The following PRKX variants were observed in gnomAD, a reference collection of about 807,000 sequenced individuals.
PRKX encodes protein kinase cAMP-dependent X-linked catalytic subunit.
Under a neutral mutation model 22.0 loss-of-function variants are expected in PRKX, and 12 were observed. The ratio of observed to expected loss-of-function variants is 0.54; its 90% confidence interval spans 0.35 to 0.88. PRKX has a LOEUF of 0.88. Among genes scored for constraint, PRKX ranks in the 40% least tolerant of loss-of-function variants. The pLI is 0.01. For missense variants in PRKX, 217 were observed against 308.0 expected (o/e 0.70, Z 2.21); for synonymous variants, 134 against 137.7 (o/e 0.97, Z 0.19).
chrX:3,697,673 T>G (rs73625737), intron 1 of PRKX, among the ~76,000 whole-genome samples: 2,125 of 110,164 alleles, frequency 0.019, 47 homozygotes, highest in African/African-American at 0.067. Flanking sequence ...GCCTCCTGAG[T>G]AGCTGGGACC....
intron 4 of PRKX, among the ~76,000 whole-genome samples, chrX:3,628,579 A>T (rs931527120): frequency 2.7e-5 from 3 of 110,982 alleles, no homozygotes; most frequent in African/African-American, 9.8e-5. Flanking sequence ...GTCTTAAAAA[A>T]ATATATATTA....
chrX:3,710,304 T>C (rs1270837085), intron 1 of PRKX, among the ~76,000 whole-genome samples: 7 of 111,781 alleles, frequency 6.3e-5, no homozygotes, highest in Admixed American at 2.9e-4. Context: ...AAAGAATCCA[T>C]TATCAGACTT....
rs1181837249 is a variant in PRKX at position 3,621,125 on chromosome X, C to A, written c.873+134G>T. 8.3e-6 allele frequency: 4 copies of A among 480,955 alleles called. No individual in the cohort carries two copies. The East Asian group carries it at 1.2e-4, about 14-fold the overall frequency. 39.6% of individuals were successfully genotyped at this position (480,955 alleles called of 1,213,427 possible). A position where few individuals can be genotyped will look rare whatever the true frequency, so the allele number is the denominator to read the frequency against. On this transcript the variant is annotated intron_variant, in intron 6 of 8. Transcript: ENST00000262848. ...AAAATTTAAAAAAATAAATAAAACACCAGATTTGAAATTTGGGCAGTGATT... is the reference window on the plus strand; with the variant it reads ...AAAATTTAAAAAAATAAATAAAACAACAGATTTGAAATTTGGGCAGTGATT...
chrX:3,654,011 C>CTATATATATTATATACTATGTAA (rs1569051407), intron 3 of PRKX, among the ~76,000 whole-genome samples: 1 of 65,551 alleles, frequency 1.5e-5, no homozygotes, highest in Non-Finnish European at 2.6e-5. Context: ...GTGATATATA[C>CTATATATATTATATACTATGTAA]TATATATATT....
At chrX:3,671,931 T>C (rs925879154) in intron 2 of PRKX, among the ~76,000 whole-genome samples, 1 of 111,789 alleles carries the variant, frequency 8.9e-6, no homozygotes, top group African/African-American at 3.2e-5. Context: ...AAGACCAGCC[T>C]GGGCAACATA....
chrX:3,699,079 C>A (rs1402151101), intron 1 of PRKX, among the ~76,000 whole-genome samples: 4 of 105,608 alleles, frequency 3.8e-5, no homozygotes, highest in African/African-American at 1.4e-4. Context: ...CTCTGTCGCC[C>A]AGGCTGGAGT....
chrX:3,703,669 G>GT (rs1242835644), intron 1 of PRKX, among the ~76,000 whole-genome samples: 1,358 of 64,133 alleles, frequency 0.021, 28 homozygotes, highest in Non-Finnish European at 0.03. Flanking sequence ...TTTTTTGGTT[G>GT]TTTTTTTTTT....
intron 1 of PRKX, among the ~76,000 whole-genome samples, chrX:3,700,610 A>G (rs776965727): frequency 3.0e-5 from 3 of 101,287 alleles, no homozygotes; most frequent in African/African-American, 1.1e-4. Context: ...TCATGGTCTC[A>G]CTCTGTCACC....
chrX:3,698,873 G>A (rs764332139), intron 1 of PRKX, among the ~76,000 whole-genome samples: 49 of 107,652 alleles, frequency 4.6e-4, no homozygotes, highest in Non-Finnish European at 8.2e-4. Context: ...TTACAGATGT[G>A]AGCCACCCCA....
intron 1 of PRKX, among the ~76,000 whole-genome samples, chrX:3,707,521 G>A (rs181979592): frequency 1.8e-5 from 2 of 111,324 alleles, no homozygotes; most frequent in East Asian, 2.8e-4. Flanking sequence ...TGCCAGCAGC[G>A]GAGGCAGGCA....
intron 6 of PRKX, among the ~76,000 whole-genome samples, chrX:3,620,559 T>C (rs1603473145): frequency 1.8e-5 from 2 of 112,379 alleles, no homozygotes; most frequent in African/African-American, 6.4e-5. Flanking sequence ...CTGCTCCCCA[T>C]GGCTGGCATT....
At chrX:3,659,144 G>A (rs1381521864) in intron 2 of PRKX, among the ~76,000 whole-genome samples, 6 of 109,661 alleles carry the variant, frequency 5.5e-5, no homozygotes, top group Non-Finnish European at 7.6e-5. Context: ...CCAGCAATTC[G>A]GGAGGCTGAG....
intron 2 of PRKX, among the ~76,000 whole-genome samples, chrX:3,670,446 G>A (rs956406073): frequency 1.1e-4 from 12 of 112,272 alleles, no homozygotes; most frequent in African/African-American, 3.9e-4. Flanking sequence ...TGCTATAGCA[G>A]GTTATCATAA....
chrX:3,622,828 T>A (rs1241261070), intron 5 of PRKX, among the ~76,000 whole-genome samples: 1 of 106,480 alleles, frequency 9.4e-6, no homozygotes, highest in Non-Finnish European at 2.0e-5. Context: ...TTTGACATGC[T>A]CCCCCCTGCC....
At chrX:3,640,126 G>A (rs1378719690) in intron 4 of PRKX, among the ~76,000 whole-genome samples, 1 of 109,621 alleles carries the variant, frequency 9.1e-6, no homozygotes, top group Non-Finnish European at 1.9e-5. Flanking sequence ...GACAATGGAG[G>A]CCACTCAGAG....
intron 6 of PRKX, 136 bp downstream of exon 6, chrX:3,621,123 C>T (rs1926546566): frequency 8.4e-6 from 4 of 477,557 alleles, no homozygotes; most frequent in Non-Finnish European, 1.4e-5. Context: ...ATAAATAAAA[C>T]ACCAGATTTG....
intron 3 of PRKX, among the ~76,000 whole-genome samples, chrX:3,649,146 G>C (rs769960904): frequency 2.7e-5 from 3 of 111,066 alleles, no homozygotes; most frequent in Admixed American, 9.6e-5. Context: ...ATCCTCACTG[G>C]AGCATCTTGG....
intron 3 of PRKX, among the ~76,000 whole-genome samples, chrX:3,644,711 C>T (rs746674289): frequency 4.4e-4 from 49 of 111,944 alleles, no homozygotes; most frequent in African/African-American, 1.3e-3. Context: ...CTTCAATGCA[C>T]GACACTTCTG....
chrX:3,653,657 A>T (rs765886223), intron 3 of PRKX, among the ~76,000 whole-genome samples: 11 of 71,973 alleles, frequency 1.5e-4, no homozygotes, highest in Middle Eastern at 7.9e-3. Context: ...TATTATATAT[A>T]ATATACTATG....
Sources: allele counts gnomAD v4.1 joint callset (sites outside exome capture counted in the v4.1 genomes callset), GRCh38; gene constraint gnomAD v4.1.1; transcripts MANE v1.5; gene names NCBI Gene and HGNC (gene_info 2026-07-23, HGNC 2026-07-21).